The following MMP26 variants were observed in gnomAD, a reference collection of about 807,000 sequenced individuals.
MMP26 encodes matrix metalloproteinase-26.
In MMP26, 33 loss-of-function variants were observed where a neutral mutation model predicts 31.0. That is an observed-to-expected ratio of 1.06 (90% CI 0.81 to 1.42). MMP26 has a LOEUF of 1.42. Among genes scored for constraint, MMP26 ranks in the 40% most tolerant of loss-of-function variants. The pLI, the probability that MMP26 is intolerant of heterozygous loss-of-function variation, is 0.00. For missense variants in MMP26, 347 were observed against 316.1 expected, an observed-to-expected ratio of 1.10 and a Z score of -0.74; for synonymous variants, 122 against 114.9, an observed-to-expected ratio of 1.06 and a Z score of -0.40.
At chr11:4,894,756 A>G (rs984038806) in intron 2 of MMP26, among the ~76,000 whole-genome samples, 2 of 152,202 alleles carry the variant, frequency 1.3e-5, no homozygotes, top group African/African-American at 4.8e-5. Context: ...CTGAGGAGAG[A>G]AAGAAGAGAG....
In MMP26 at chr11:4,767,301, C is replaced by G. The variant is rs113104584; in HGVS notation, c.-185C>G. ...TTACAAAATCGTCCTATCCAGCATGCACTTTTGGATACTCTTTCAACTCAG... is the reference window on the plus strand; with the variant it reads ...TTACAAAATCGTCCTATCCAGCATGGACTTTTGGATACTCTTTCAACTCAG... On this transcript the variant is annotated 5_prime_UTR_variant, in exon 2 of 8. Coordinates refer to ENST00000380390, the MANE Select transcript of MMP26 (RefSeq NM_021801.5). The G allele has an allele frequency of 6.6e-6, 1 of 152,086 alleles. No homozygotes were observed. Among genetic ancestry groups the G allele is most frequent in the Non-Finnish European group, 1.5e-5 (1 of 68,004 alleles). 9.4% of individuals were successfully genotyped at this position (152,086 alleles called of 1,614,324 possible).
chr11:4,747,010 G>A (rs558042789), intron 1 of MMP26, among the ~76,000 whole-genome samples: 5 of 152,272 alleles, frequency 3.3e-5, no homozygotes, highest in Non-Finnish European at 7.4e-5. Flanking sequence ...AAGTAGGGTA[G>A]GGTGAACCAG....
chr11:4,924,390 G>T, intron 2 of MMP26: 2 of 1,528,588 alleles, frequency 1.3e-6, no homozygotes, highest in Non-Finnish European at 1.8e-6. Flanking sequence ...GAGATTCCTG[G>T]AAAGTGACAA....
chr11:4,709,456 T>C, intron 1 of MMP26: 1 of 351,648 alleles, frequency 2.8e-6, no homozygotes, highest in East Asian at 7.4e-5. Context: ...TAGGATGTGG[T>C]TCTCTAGTGA....
chr11:4,812,500 G>A (rs964834550), intron 2 of MMP26, among the ~76,000 whole-genome samples: 3 of 152,198 alleles, frequency 2.0e-5, no homozygotes, highest in Non-Finnish European at 4.4e-5. Flanking sequence ...ATGATTCAAG[G>A]GGAAAAGTAG....
At chr11:4,895,661 T>C (rs889512790) in intron 2 of MMP26, among the ~76,000 whole-genome samples, 4 of 152,204 alleles carry the variant, frequency 2.6e-5, no homozygotes, top group Non-Finnish European at 5.9e-5. Context: ...CAGTGGCTCA[T>C]GCCTGTAATC....
intron 2 of MMP26, among the ~76,000 whole-genome samples, chr11:4,850,780 T>C (rs147741078): frequency 1.4e-3 from 219 of 151,604 alleles, no homozygotes; most frequent in Middle Eastern, 0.01. Flanking sequence ...ACAAAAACCT[T>C]AATCCCACAG....
chr11:4,882,697 C>T, intron 2 of MMP26: 5 of 1,613,978 alleles, frequency 3.1e-6, no homozygotes, highest in Non-Finnish European at 4.2e-6. Flanking sequence ...CACACCGCCT[C>T]TTCCACTCCA....
chr11:4,946,322 GC>G (rs757286693), intron 2 of MMP26: 146 of 1,613,778 alleles, frequency 9.0e-5, no homozygotes, highest in Non-Finnish European at 1.4e-5. Context: ...GTGGACAACG[GC>G]CAGGTTGATG....
At chr11:4,843,226 C>A (rs1299789719) in intron 2 of MMP26, among the ~76,000 whole-genome samples, 3 of 152,194 alleles carry the variant, frequency 2.0e-5, no homozygotes, top group Admixed American at 2.0e-4. Flanking sequence ...GCTCTCTTCT[C>A]ACAGATCCAT....
intron 2 of MMP26, among the ~76,000 whole-genome samples, chr11:4,813,902 A>G (rs1411047132): frequency 1.3e-5 from 2 of 152,192 alleles, no homozygotes; most frequent in Non-Finnish European, 2.9e-5. Flanking sequence ...CACAATGCAT[A>G]TATCTGACAA....
chr11:4,826,445 G>C (rs1849579273), intron 2 of MMP26, among the ~76,000 whole-genome samples: 1 of 152,080 alleles, frequency 6.6e-6, no homozygotes, highest in Non-Finnish European at 1.5e-5. Flanking sequence ...TTCAGTGCTG[G>C]CCTATTATGC....
At chr11:4,850,484 A>C (rs1489767796) in intron 2 of MMP26, among the ~76,000 whole-genome samples, 1 of 152,164 alleles carries the variant, frequency 6.6e-6, no homozygotes, top group Non-Finnish European at 1.5e-5. Flanking sequence ...TATTATTTAT[A>C]ATTTTAACAA....
At chr11:4,872,824 C>G (rs1850329056) in intron 2 of MMP26, among the ~76,000 whole-genome samples, 1 of 151,996 alleles carries the variant, frequency 6.6e-6, no homozygotes, top group Non-Finnish European at 1.5e-5. Flanking sequence ...TGTCCTATTG[C>G]TGTGAGGAAA....
chr11:4,816,946 G>A (rs990049405), intron 2 of MMP26, among the ~76,000 whole-genome samples: 8 of 150,606 alleles, frequency 5.3e-5, no homozygotes, highest in Admixed American at 2.0e-4. Context: ...TCCTGACCTC[G>A]TGATCCACCC....
At chr11:4,784,816 A>G (rs1848912948) in intron 2 of MMP26, among the ~76,000 whole-genome samples, 1 of 152,316 alleles carries the variant, frequency 6.6e-6, no homozygotes, top group Middle Eastern at 3.4e-3. Flanking sequence ...AATTTTTACT[A>G]ATAAATGACA....
At chr11:4,710,823 G>A (rs1406540041) in intron 1 of MMP26, 1 of 184,366 alleles carries the variant, frequency 5.4e-6, no homozygotes, top group Non-Finnish European at 1.2e-5. Flanking sequence ...CACCTCTAGA[G>A]CATGTAGCTA....
intron 2 of MMP26, among the ~76,000 whole-genome samples, chr11:4,796,815 A>G (rs1225583074): frequency 1.3e-5 from 2 of 152,020 alleles, no homozygotes; most frequent in Non-Finnish European, 2.9e-5. Context: ...ACCTAAGGCA[A>G]TCTCAGCCCT....
intron 2 of MMP26, among the ~76,000 whole-genome samples, chr11:4,843,248 C>T (rs1458954515): frequency 6.6e-6 from 1 of 152,180 alleles, no homozygotes; most frequent in Non-Finnish European, 1.5e-5. Context: ...AGGCAGTGCC[C>T]CAGTGGGAAC....
Sources: gnomAD v4.1 joint callset for allele counts (sites outside exome capture counted in the v4.1 genomes callset) on GRCh38, gnomAD v4.1.1 for gene constraint, MANE v1.5 for transcripts, NCBI Gene and HGNC (gene_info 2026-07-23, HGNC 2026-07-21) for gene names.